Variants in ABCC9 observed in about 807,000 individuals in gnomAD.
The protein encoded by ABCC9 is ATP binding cassette subfamily C member 9.
A neutral mutation model predicts 188.3 loss-of-function variants in ABCC9; 95 were observed. The ratio of observed to expected loss-of-function variants is 0.50; its 90% CI spans 0.43 to 0.60. The LOEUF (loss-of-function observed/expected upper bound fraction) is 0.60, where lower values mean the gene tolerates loss of function less well. Among genes scored for constraint, ABCC9 ranks in the 20% least tolerant of loss-of-function variants. The pLI, the probability that ABCC9 is intolerant of heterozygous loss-of-function variation, is 0.00. For missense variants in ABCC9, 1,102 were observed against 1,876.3 expected, an observed-to-expected ratio of 0.59 and a Z score of 7.62; for synonymous variants, 659 against 652.7, an observed-to-expected ratio of 1.01 and a Z score of -0.15.
At chr12:21,893,662 G>T (rs1947277101) in intron 14 of ABCC9, among the ~76,000 whole-genome samples, 2 of 152,096 alleles carry the variant, frequency 1.3e-5, no homozygotes, top group Non-Finnish European at 2.9e-5. Flanking sequence ...TGTTATTTAT[G>T]TTAGGGAGAA....
intron 29 of ABCC9, 27 bp from the exon 30 acceptor site, chr12:21,838,197 C>A (rs767361927): frequency 5.5e-6 from 8 of 1,443,694 alleles, no homozygotes; most frequent in Middle Eastern, 1.7e-4. Context: ...CAAAAATAAA[C>A]TTCATGTGCA....
Position 21,806,064 on chromosome 12 carries a change from C to CA in ABCC9, c.4450-5dup, listed in dbSNP as rs4148680. On this transcript the variant is annotated splice_region_variant and splice_polypyrimidine_tract_variant and intron_variant, in intron 38 of 39. Transcript: ENST00000261200. ...CTACTTTTTGCAAAATATTCTCCTG[C>CA]AAAAAAAAAAAAGTGTAAATTTTCT... 92,146 of 1,073,430 alleles carry CA rather than the reference C, an allele frequency of 0.086. No homozygotes were observed. Among genetic ancestry groups the CA allele is most frequent in the Non-Finnish European group, 0.096 (73,545 of 768,302 alleles). 66.5% of individuals were successfully genotyped at this position (1,073,430 alleles called of 1,614,324 possible).
intron 28 of ABCC9, among the ~76,000 whole-genome samples, chr12:21,843,705 T>C (rs1356749951): frequency 6.6e-6 from 1 of 152,216 alleles, no homozygotes; most frequent in African/African-American, 2.4e-5. Flanking sequence ...AATGAGTGAT[T>C]CATTTCTTCT....
At chr12:21,811,673 G>A (rs1030186247) in intron 36 of ABCC9, among the ~76,000 whole-genome samples, 2 of 152,162 alleles carry the variant, frequency 1.3e-5, no homozygotes, top group Middle Eastern at 3.4e-3. Flanking sequence ...AAGTTGTAAG[G>A]GGTGGAGGGA....
At chr12:21,845,036 C>T (rs1045856093) in intron 26 of ABCC9, 121 bp from the exon 27 acceptor site, 15 of 1,293,702 alleles carry the variant, frequency 1.2e-5, no homozygotes, top group East Asian at 7.6e-5. Flanking sequence ...TGCATTTAGA[C>T]GGTTGAAGGA....
chr12:21,844,708 T>G, intron 27 of ABCC9, 59 bp downstream of exon 27: 2 of 1,603,048 alleles, frequency 1.2e-6, no homozygotes, highest in African/African-American at 1.3e-5. Flanking sequence ...CCACTTAAAT[T>G]GAAAAATGCA....
chr12:21,862,302 G>T (rs913306673), intron 20 of ABCC9, among the ~76,000 whole-genome samples: 6 of 151,980 alleles, frequency 3.9e-5, no homozygotes, highest in African/African-American at 7.2e-5. Context: ...CAACTATCTG[G>T]TCTCAGCCTC....
intron 8 of ABCC9, among the ~76,000 whole-genome samples, chr12:21,911,229 A>G (rs1439966142): frequency 6.6e-6 from 1 of 151,990 alleles, no homozygotes; most frequent in African/African-American, 2.4e-5. Context: ...CATTTCCTGC[A>G]AAGGTATATC....
At chr12:21,830,072 G>A (rs780531490) in intron 30 of ABCC9, among the ~76,000 whole-genome samples, 5 of 152,052 alleles carry the variant, frequency 3.3e-5, no homozygotes, top group Admixed American at 1.3e-4. Context: ...GATATATATC[G>A]TTTGGATATT....
intron 22 of ABCC9, among the ~76,000 whole-genome samples, chr12:21,854,805 A>AT (rs1329561949): frequency 6.6e-6 from 1 of 152,226 alleles, no homozygotes; most frequent in Non-Finnish European, 1.5e-5. Context: ...TTCTTTTAAC[A>AT]TAGAAGTTAT....
chr12:21,933,352 C>T (rs188465896), intron 4 of ABCC9, among the ~76,000 whole-genome samples: 1 of 152,034 alleles, frequency 6.6e-6, no homozygotes, highest in Admixed American at 6.6e-5. Flanking sequence ...ATAATAAACA[C>T]GCACTTGTAC....
chr12:21,849,203 T>C (rs962614660), intron 24 of ABCC9, among the ~76,000 whole-genome samples: 1 of 152,192 alleles, frequency 6.6e-6, no homozygotes, highest in Non-Finnish European at 1.5e-5. Flanking sequence ...CTACACAGTT[T>C]TTCTGTTACA....
intron 22 of ABCC9, among the ~76,000 whole-genome samples, chr12:21,855,376 C>G (rs573184267): frequency 4.6e-5 from 7 of 152,066 alleles, no homozygotes; most frequent in Non-Finnish European, 8.8e-5. Flanking sequence ...CACGCCACCA[C>G]GCCCCGCTAA....
At chr12:21,878,676 A>G (rs1395714629) in intron 16 of ABCC9, among the ~76,000 whole-genome samples, 1 of 152,196 alleles carries the variant, frequency 6.6e-6, no homozygotes, top group African/African-American at 2.4e-5. Context: ...GGTAGAAAAT[A>G]CCATAGCTTT....
chr12:21,832,756 G>C (rs1052449580), intron 30 of ABCC9, among the ~76,000 whole-genome samples: 3 of 152,106 alleles, frequency 2.0e-5, no homozygotes, highest in Non-Finnish European at 1.5e-5. Flanking sequence ...ATTTGATCCA[G>C]CAAACCCACT....
At position 21,908,221 on chromosome 12, in the gene ABCC9, A is replaced by G; in HGVS notation, c.1321-10T>C. 6.2e-7 allele frequency: 1 copy of G among 1,612,110 alleles called. No individual in the cohort carries two copies. Among genetic ancestry groups the G allele is most frequent in the Non-Finnish European group, 8.5e-7 (1 of 1,178,606 alleles). ...TCACGCCCATTATGATCTAGAGAGA[A>G]AAACACATGGAAAAGAGAAGATGAA... On this transcript the variant is annotated splice_polypyrimidine_tract_variant and intron_variant, in intron 10 of 39. Transcript: ENST00000261200.
At position 21,861,231 on chromosome 12, in the gene ABCC9, C is replaced by A. The variant is rs2418020; in HGVS notation, c.2340-176G>T. Among the ~76,000 whole-genome samples, 62,606 of 148,968 alleles carry A rather than the reference C, an allele frequency of 0.42. 14,207 individuals are homozygous for A. The highest frequency in any genetic ancestry group is 0.54 in the Middle Eastern group (154 of 284). ...GATACATAAGTACTACTTCCCCCCC[C>A]TTTTTTTTTTTTTTTTGAAGACAGA... On this transcript the variant is annotated intron_variant, in intron 20 of 39. Transcript: ENST00000261200.
chr12:21,842,592 C>T, intron 28 of ABCC9, 121 bp from the exon 29 acceptor site: 2 of 952,068 alleles, frequency 2.1e-6, no homozygotes, highest in East Asian at 2.5e-5. Flanking sequence ...AGTGTATAAG[C>T]ATGTTCATCC....
At chr12:21,812,354 T>G (rs891876799) in intron 35 of ABCC9, among the ~76,000 whole-genome samples, 197 bp from the exon 36 acceptor site, 2 of 152,208 alleles carry the variant, frequency 1.3e-5, no homozygotes, top group African/African-American at 4.8e-5. Context: ...ACTGGGTATA[T>G]ACCCAAAGGA....
Sources: allele counts gnomAD v4.1 joint callset (sites outside exome capture counted in the v4.1 genomes callset), GRCh38; gene constraint gnomAD v4.1.1; transcripts MANE v1.5; gene names NCBI Gene and HGNC (gene_info 2026-07-23, HGNC 2026-07-21).